The following MAD1L1 variants were observed in gnomAD, a reference collection of about 807,000 sequenced individuals.
MAD1L1 encodes the protein mitotic spindle assembly checkpoint protein MAD1.
A neutral mutation model predicts 96.9 loss-of-function variants in MAD1L1; 95 were observed. The observed-to-expected ratio is 0.98, with a 90% CI of 0.83 to 1.16. The LOEUF (loss-of-function observed/expected upper bound fraction) is 1.16, where lower values mean the gene tolerates loss of function less well. MAD1L1 is among the 50% of genes most tolerant of loss of function. The probability of loss-of-function intolerance (pLI) is 0.00; values close to 1 mark genes in which losing one functional copy is unlikely to be tolerated. For synonymous variants in MAD1L1, 473 were observed against 396.6 expected (o/e 1.19, Z -2.29); for missense variants, 1,007 against 954.4 (o/e 1.06, Z -0.73).
intron 10 of MAD1L1, among the ~76,000 whole-genome samples, chr7:2,170,565 G>A (rs1790659714): frequency 2.0e-5 from 3 of 152,164 alleles, no homozygotes; most frequent in South Asian, 2.1e-4. Flanking sequence ...TCGTGACATC[G>A]GCAGGGACAG....
At chr7:1,876,964 G>C (rs963637422) in intron 18 of MAD1L1, among the ~76,000 whole-genome samples, 1 of 131,174 alleles carries the variant, frequency 7.6e-6, no homozygotes, top group African/African-American at 2.7e-5. Flanking sequence ...GTAAATATGT[G>C]AATACAGTTC....
At chr7:1,879,561 G>A (rs150354761) in intron 18 of MAD1L1, among the ~76,000 whole-genome samples, 7 of 152,098 alleles carry the variant, frequency 4.6e-5, no homozygotes, top group East Asian at 3.9e-4. Flanking sequence ...ATTGACAGGC[G>A]GATTCCAAAA....
At chr7:1,994,500 C>G (rs559323202) in intron 14 of MAD1L1, among the ~76,000 whole-genome samples, 1 of 152,142 alleles carries the variant, frequency 6.6e-6, no homozygotes, top group African/African-American at 2.4e-5. Flanking sequence ...AGGCAGAGAC[C>G]CCCCAGTAGG....
At position 2,040,166 on chromosome 7, in the gene MAD1L1, GAACA is replaced by G. The variant is rs1472146256; in HGVS notation, c.1219-25528_1219-25525del. Among the ~76,000 whole-genome samples the G allele has an allele frequency of 2.6e-5, 4 of 152,282 alleles. No homozygotes were observed. In the East Asian group the frequency reaches 5.8e-4, roughly 22 times the overall value. ...CGAAAATTAATAACGGAGGTGAAATGAACAAACTCCTGAAAAGACAAAAGCTACC... is the reference window on the plus strand; with the variant it reads ...CGAAAATTAATAACGGAGGTGAAATGAACTCCTGAAAAGACAAAAGCTACC... On this transcript the variant is annotated intron_variant, in intron 12 of 18. Transcript: ENST00000265854.
rs997844852 is a variant in MAD1L1 at position 2,119,214 on chromosome 7, T to G, written c.1073+29938A>C. Among the ~76,000 whole-genome samples, 5 of 152,086 alleles carry G rather than the reference T, an allele frequency of 3.3e-5. No individual in the cohort carries two copies. The highest frequency in any genetic ancestry group is 7.4e-5 in the Non-Finnish European group (5 of 68,020). ...TACTGTGACATTTCTCCTGTCCCAG[T>G]GCCCTCCTCTCCCTCTCCATTATCC... On this transcript the variant is annotated intron_variant, in intron 11 of 18. Transcript: ENST00000265854. This position sits in a 1 kb window ranked among gnomAD's most constrained non-coding sequence, Gnocchi z 4.6.
intron 17 of MAD1L1, among the ~76,000 whole-genome samples, chr7:1,928,970 G>A (rs1295531096): frequency 6.6e-6 from 1 of 152,144 alleles, no homozygotes; most frequent in Non-Finnish European, 1.5e-5. Flanking sequence ...GACTGCAGAG[G>A]ACACGCGCCG....
At chr7:1,941,586 C>T (rs1215488987) in intron 16 of MAD1L1, among the ~76,000 whole-genome samples, 4 of 152,166 alleles carry the variant, frequency 2.6e-5, no homozygotes, top group African/African-American at 9.6e-5. Context: ...CGTGTCCGGG[C>T]TGGGACCAGC....
At chr7:2,169,775 TCGGAGCAGGGGC>T in intron 10 of MAD1L1, among the ~76,000 whole-genome samples, 1 of 132,764 alleles carries the variant, frequency 7.5e-6, no homozygotes, top group Admixed American at 7.3e-5. Flanking sequence ...CTGGGGGCAC[TCGGAGCAGGGGC>T]TGGACCACAG....
chr7:2,156,613 AG>A (rs1342291252), intron 10 of MAD1L1, among the ~76,000 whole-genome samples: 4 of 152,200 alleles, frequency 2.6e-5, no homozygotes, highest in Non-Finnish European at 4.4e-5. Flanking sequence ...TGAGGTCAGG[AG>A]CTCAAGACCA....
intron 5 of MAD1L1, chr7:2,220,960 G>T (rs371995225): frequency 2.8e-5 from 45 of 1,609,214 alleles, no homozygotes; most frequent in Non-Finnish European, 3.6e-5. Flanking sequence ...GGGGACGCCG[G>T]ACAGTTGGCA....
rs1451166755 is a variant in MAD1L1, at chr7:2,201,689, GAC to G, written c.986+11521_986+11522del. Among the ~76,000 whole-genome samples the G allele has an allele frequency of 2.0e-5, 3 of 152,288 alleles. No homozygotes were observed. In the East Asian group the frequency reaches 5.8e-4, roughly 29 times the overall value. On this transcript the variant is annotated intron_variant, in intron 10 of 18. Transcript: ENST00000265854. ...GACCAAGTGATAGCGTTTCCACCCG[GAC>G]ACGCCGCAGAGCACTCAGCTGTCTG...
At chr7:1,939,009 A>ACG (rs1562542943) in intron 16 of MAD1L1, among the ~76,000 whole-genome samples, 17 of 123,590 alleles carry the variant, frequency 1.4e-4, no homozygotes, top group African/African-American at 5.1e-4. Flanking sequence ...GCACACACAC[A>ACG]CACACACACA....
At chr7:1,938,227 C>T (rs186361968) in intron 16 of MAD1L1, among the ~76,000 whole-genome samples, 85 of 145,318 alleles carry the variant, frequency 5.8e-4, no homozygotes, top group African/African-American at 1.9e-3. Context: ...AGGGTTACTG[C>T]GCACCCGAGA....
intron 14 of MAD1L1, among the ~76,000 whole-genome samples, chr7:1,984,224 G>C (rs1479775386): frequency 1.3e-5 from 2 of 152,196 alleles, no homozygotes; most frequent in African/African-American, 2.4e-5. Flanking sequence ...TAAATTCCAA[G>C]TGTTAGGAGC....
chr7:2,001,963 T>C (rs1191049044), intron 14 of MAD1L1, 102 bp downstream of exon 14: 5 of 1,222,388 alleles, frequency 4.1e-6, no homozygotes, highest in African/African-American at 1.5e-5. Flanking sequence ...GAGGCAGCCA[T>C]GCACTGGCGC....
intron 12 of MAD1L1, among the ~76,000 whole-genome samples, chr7:2,056,338 G>A (rs531627466): frequency 2.0e-5 from 3 of 152,194 alleles, no homozygotes; most frequent in Non-Finnish European, 2.9e-5. Flanking sequence ...CAGAAGAGAC[G>A]GCGATCAGAA....
At chr7:2,154,724 A>G (rs1055089422) in intron 10 of MAD1L1, among the ~76,000 whole-genome samples, 3 of 152,194 alleles carry the variant, frequency 2.0e-5, no homozygotes, top group African/African-American at 7.2e-5. Context: ...GTTTAAGGCA[A>G]TGGTTTCAGA....
chr7:2,196,369 G>A (rs1418688686), intron 10 of MAD1L1, among the ~76,000 whole-genome samples: 1 of 152,180 alleles, frequency 6.6e-6, no homozygotes, highest in Non-Finnish European at 1.5e-5. Context: ...TCCAAACCAG[G>A]GAAAACGTCT....
chr7:2,063,630 G>A (rs542270996), intron 12 of MAD1L1, among the ~76,000 whole-genome samples: 1 of 152,338 alleles, frequency 6.6e-6, no homozygotes, highest in East Asian at 1.9e-4. Context: ...TTCCAGGAGA[G>A]ATGAAAATAA....
Sources: allele counts gnomAD v4.1 joint callset (sites outside exome capture counted in the v4.1 genomes callset), GRCh38; gene constraint gnomAD v4.1.1; non-coding constraint Gnocchi (gnomAD v3.1); transcripts MANE v1.5; gene names NCBI Gene and HGNC (gene_info 2026-07-23, HGNC 2026-07-21).